Variants in CTNNA3 observed in about 807,000 individuals in gnomAD.
CTNNA3 encodes catenin alpha 3.
Under a neutral mutation model 95.7 loss-of-function variants are expected in CTNNA3, and 76 were observed. The ratio of observed to expected loss-of-function variants is 0.79; its 90% confidence interval spans 0.66 to 0.96. The LOEUF is 0.96. CTNNA3 is among the 40% of genes least tolerant of loss of function. The pLI is 0.00. For synonymous variants in CTNNA3, 431 were observed against 374.4 expected (o/e 1.15, Z -1.74); for missense variants, 1,191 against 1,089.8 (o/e 1.09, Z -1.31).
chr10:67,500,462 T>C (rs1839193390), intron 5 of CTNNA3, among the ~76,000 whole-genome samples: 1 of 152,214 alleles, frequency 6.6e-6, no homozygotes, highest in Non-Finnish European at 1.5e-5. Flanking sequence ...GTTCCAGAGC[T>C]GAGCTCAAGT....
intron 7 of CTNNA3, among the ~76,000 whole-genome samples, chr10:66,956,706 T>C (rs1848809185): frequency 6.6e-6 from 1 of 152,236 alleles, no homozygotes; most frequent in Admixed American, 6.5e-5. Flanking sequence ...GTATTCTGAC[T>C]GTGTTTAAAA....
chr10:67,590,145 C>T (rs1165859004), intron 3 of CTNNA3, among the ~76,000 whole-genome samples: 1 of 152,006 alleles, frequency 6.6e-6, no homozygotes, highest in East Asian at 1.9e-4. Context: ...TTTGCAATAT[C>T]ATGTATAAGC....
At chr10:66,197,166 C>CT in intron 13 of CTNNA3, among the ~76,000 whole-genome samples, 1 of 152,024 alleles carries the variant, frequency 6.6e-6, no homozygotes, top group East Asian at 1.9e-4. Context: ...CAAACTGGAT[C>CT]TCTAGAGTTT....
intron 13 of CTNNA3, among the ~76,000 whole-genome samples, chr10:66,226,930 T>C (rs900360764): frequency 6.6e-6 from 1 of 152,142 alleles, no homozygotes; most frequent in Non-Finnish European, 1.5e-5. Context: ...ATTTACCAAA[T>C]TTATCAGGTC....
intron 7 of CTNNA3, among the ~76,000 whole-genome samples, chr10:66,857,984 G>A (rs1843747487): frequency 6.6e-6 from 1 of 152,070 alleles, no homozygotes; most frequent in Non-Finnish European, 1.5e-5. Flanking sequence ...TCTTGTTCTA[G>A]TTTTCAAGGG....
intron 1 of CTNNA3, chr10:67,750,742 G>A: frequency 6.3e-7 from 1 of 1,591,250 alleles, no homozygotes; most frequent in Non-Finnish European, 8.6e-7. Flanking sequence ...TGAGGGGCTG[G>A]TGAAAGCCCT....
At chr10:66,692,952 C>T (rs1847609571) in intron 9 of CTNNA3, among the ~76,000 whole-genome samples, 1 of 152,048 alleles carries the variant, frequency 6.6e-6, no homozygotes. Flanking sequence ...TAAAAGAGCT[C>T]CTGAAGGAAG....
At chr10:66,706,892 AT>A (rs764160962) in intron 9 of CTNNA3, among the ~76,000 whole-genome samples, 4 of 152,038 alleles carry the variant, frequency 2.6e-5, no homozygotes, top group Non-Finnish European at 4.4e-5. Flanking sequence ...AAAGTGTGAA[AT>A]TTGTAGGAAG....
rs2093101154 is a variant in CTNNA3, at chr10:66,411,097, C to T, written c.1532-31745G>A. Among the ~76,000 whole-genome samples, 7 of 152,294 alleles carry T rather than the reference C, an allele frequency of 4.6e-5. No homozygotes were observed. In the South Asian group the frequency reaches 1.4e-3, roughly 32 times the overall value. ...CTGTCAATTTGAAAATAATAATGTC[C>T]TATTTGCTAACAGTGTTTGAAAATT... On this transcript the variant is annotated intron_variant, in intron 11 of 17. Transcript: ENST00000433211.
chr10:66,075,326 C>A (rs2080529452), intron 14 of CTNNA3, among the ~76,000 whole-genome samples: 1 of 151,522 alleles, frequency 6.6e-6, no homozygotes, highest in Non-Finnish European at 1.5e-5. Flanking sequence ...TCATACAGAC[C>A]ACCATTCAAA....
At chr10:66,400,423 T>C (rs915326448) in intron 11 of CTNNA3, among the ~76,000 whole-genome samples, 1 of 152,090 alleles carries the variant, frequency 6.6e-6, no homozygotes, top group Non-Finnish European at 1.5e-5. Context: ...TATAAATGGG[T>C]TATTGACTGA....
At chr10:66,288,819 T>TA (rs1220460495) in intron 12 of CTNNA3, among the ~76,000 whole-genome samples, 1 of 152,024 alleles carries the variant, frequency 6.6e-6, no homozygotes, top group Non-Finnish European at 1.5e-5. Context: ...TACTATGAGT[T>TA]AAAAAACCCT....
At chr10:66,182,132 T>A (rs1486282531) in intron 13 of CTNNA3, among the ~76,000 whole-genome samples, 5 of 152,246 alleles carry the variant, frequency 3.3e-5, no homozygotes, top group Non-Finnish European at 2.9e-5. Context: ...CTTGATTTTA[T>A]GGGGTCCCAT....
chr10:66,715,660 G>C (rs1401965950), intron 9 of CTNNA3, among the ~76,000 whole-genome samples: 3 of 152,104 alleles, frequency 2.0e-5, no homozygotes, highest in South Asian at 2.1e-4. Context: ...ATATTTGATA[G>C]CATACCTGGG....
At chr10:66,150,986 A>G (rs1415402388) in intron 13 of CTNNA3, among the ~76,000 whole-genome samples, 1 of 151,990 alleles carries the variant, frequency 6.6e-6, no homozygotes, top group Non-Finnish European at 1.5e-5. Flanking sequence ...GTCCTTGTCT[A>G]ATTTATATAT....
intron 11 of CTNNA3, among the ~76,000 whole-genome samples, chr10:66,505,074 T>C (rs955486545): frequency 4.6e-5 from 7 of 152,166 alleles, no homozygotes; most frequent in African/African-American, 1.4e-4. Context: ...ATCTGACTTA[T>C]TAAGACAGTC....
chr10:66,889,330 A>G (rs1845168190), intron 7 of CTNNA3, among the ~76,000 whole-genome samples: 1 of 152,162 alleles, frequency 6.6e-6, no homozygotes, highest in African/African-American at 2.4e-5. Flanking sequence ...GTCCAAACCC[A>G]CAGAGTGTAC....
At chr10:67,201,436 G>A (rs1288881400) in intron 6 of CTNNA3, among the ~76,000 whole-genome samples, 1 of 151,962 alleles carries the variant, frequency 6.6e-6, no homozygotes, top group Non-Finnish European at 1.5e-5. Flanking sequence ...GTATTGGCAG[G>A]CACCTTATGT....
chr10:66,807,994 A>G (rs573245711), intron 7 of CTNNA3, among the ~76,000 whole-genome samples: 145 of 152,110 alleles, frequency 9.5e-4, no homozygotes, highest in African/African-American at 3.1e-3. Flanking sequence ...TAATTTAGTT[A>G]TTTTATTGTA....
Sources: allele counts gnomAD v4.1 joint callset (sites outside exome capture counted in the v4.1 genomes callset), GRCh38; gene constraint gnomAD v4.1.1; transcripts MANE v1.5; gene names NCBI Gene and HGNC (gene_info 2026-07-23, HGNC 2026-07-21).